Variants in INPP5A observed in about 807,000 individuals in gnomAD.
The protein encoded by INPP5A is inositol polyphosphate-5-phosphatase A, also known as 43 kDa inositol polyphosphate 5-phophatase.
A neutral mutation model predicts 65.2 loss-of-function variants in INPP5A; 14 were observed. The ratio of observed to expected loss-of-function variants is 0.21; its 90% CI spans 0.14 to 0.34. The LOEUF is 0.34. INPP5A is among the 10% of genes least tolerant of loss of function. The pLI, the probability that INPP5A is intolerant of heterozygous loss-of-function variation, is 1.00. For missense variants in INPP5A, 431 were observed against 545.6 expected, an observed-to-expected ratio of 0.79 and a Z score of 2.09; for synonymous variants, 207 against 208.3, an observed-to-expected ratio of 0.99 and a Z score of 0.05.
Position 132,720,250 on chromosome 10 carries a change from C to T in INPP5A, c.648-6571C>T, listed in dbSNP as rs571320765. 3.7e-4 allele frequency among the ~76,000 whole-genome samples: 41 copies of T among 110,218 alleles called. No homozygotes were observed. In the East Asian group the frequency reaches 8.9e-3, roughly 24 times the overall value. The allele number at this position is 110,218 out of a possible 152,430, so 72.3% of individuals were successfully genotyped here. A position where few individuals can be genotyped will look rare whatever the true frequency, so the allele number is the denominator to read the frequency against. On this transcript the variant is annotated intron_variant, in intron 8 of 15. Transcript: ENST00000368594. ...CTGGGCACCTTAGACGGCTGTCTTG[C>T]GGGTTCTGTGGTGCCTGGGTTCTGT...
At chr10:132,662,456 C>T (rs1371977866) in intron 4 of INPP5A, among the ~76,000 whole-genome samples, 2 of 152,088 alleles carry the variant, frequency 1.3e-5, no homozygotes, top group African/African-American at 4.8e-5. Context: ...TGTCAGCTGT[C>T]GCAGTAATTA....
chr10:132,745,823 TATGGTGGGCCTGGGC>T (rs1338101868), intron 9 of INPP5A, among the ~76,000 whole-genome samples: 3 of 138,842 alleles, frequency 2.2e-5, no homozygotes, highest in African/African-American at 8.3e-5. Context: ...TGGCCCTGGG[TATGGTGGGCCTGGGC>T]ATGGTGGGCC....
intron 11 of INPP5A, among the ~76,000 whole-genome samples, chr10:132,758,120 C>T (rs1429901826): frequency 3.2e-5 from 4 of 123,606 alleles, no homozygotes; most frequent in Non-Finnish European, 5.2e-5. Flanking sequence ...GGTCCCCGGC[C>T]GACCCCACAG....
intron 8 of INPP5A, among the ~76,000 whole-genome samples, chr10:132,722,288 TAAAAA>T (rs1564983731): frequency 6.6e-6 from 1 of 151,382 alleles, no homozygotes; most frequent in Non-Finnish European, 1.5e-5. Flanking sequence ...GGTTAAAAAA[TAAAAA>T]AGGAAAGAAG....
chr10:132,564,189 G>A lies in INPP5A; in HGVS notation c.75+26018G>A, dbSNP rs191753332. Among the ~76,000 whole-genome samples the A allele has an allele frequency of 1.8e-4, 28 of 152,140 alleles. No homozygotes were observed. The East Asian group carries it at 3.5e-3, about 19-fold the overall frequency. On this transcript the variant is annotated intron_variant, in intron 1 of 15. Coordinates refer to ENST00000368594, the MANE Select transcript of INPP5A (RefSeq NM_005539.5). ...CTCGGCTTGTTTGGGGAAATGTGGC[G>A]TGCGCGTTGTGGGTATGGCCACCGC...
intron 6 of INPP5A, among the ~76,000 whole-genome samples, chr10:132,703,834 ACC>A (rs1176266228): frequency 1.5e-4 from 2 of 13,198 alleles, no homozygotes; most frequent in Non-Finnish European, 2.5e-4. Flanking sequence ...ACGTGGCTTC[ACC>A]CCCCCCCACA....
At chr10:132,682,869 C>T (rs1240204320) in intron 4 of INPP5A, among the ~76,000 whole-genome samples, 1 of 150,954 alleles carries the variant, frequency 6.6e-6, no homozygotes, top group Non-Finnish European at 1.5e-5. Flanking sequence ...GTATTATATA[C>T]ATATGCACGC....
intron 7 of INPP5A, among the ~76,000 whole-genome samples, chr10:132,709,320 G>C (rs1471538608): frequency 1.8e-5 from 2 of 111,964 alleles, no homozygotes; most frequent in Non-Finnish European, 3.8e-5. Flanking sequence ...GAGGGGGAGG[G>C]GGAAAAGAAG....
At position 132,603,369 on chromosome 10, in the gene INPP5A, C is replaced by A. The variant is rs1412005083; in HGVS notation, c.76-4546C>A. On this transcript the variant is annotated intron_variant, in intron 1 of 15. Transcript: ENST00000368594. This position sits in a 1 kb window ranked among gnomAD's most constrained non-coding sequence, Gnocchi z 4.2. ...ATATGCACTATAGAAAATTACAGATCACTCCAGCTCCCACTACCCAGAAAG... is the reference window on the plus strand; with the variant it reads ...ATATGCACTATAGAAAATTACAGATAACTCCAGCTCCCACTACCCAGAAAG... 6.6e-6 allele frequency among the ~76,000 whole-genome samples: 1 copy of A among 152,154 alleles called. No individual in the cohort carries two copies. The highest frequency in any genetic ancestry group is 2.1e-4 in the South Asian group (1 of 4,828).
chr10:132,662,181 G>A (rs530236849), intron 4 of INPP5A, among the ~76,000 whole-genome samples: 1 of 152,338 alleles, frequency 6.6e-6, no homozygotes, highest in Non-Finnish European at 1.5e-5. Flanking sequence ...GGAGGCGGTG[G>A]TAGCACTGCA....
Position 132,767,460 on chromosome 10 carries a change from C to A in INPP5A, c.977+1614C>A, listed in dbSNP as rs890887669. On this transcript the variant is annotated intron_variant, in intron 12 of 15. Transcript: ENST00000368594. Reference sequence around the variant, plus strand: ...GAAGTTTTTGGACAGGTTGGAGGAGCCTCCAGAAGGCAGTGGTGGCCCAGG... The same window carrying A: ...GAAGTTTTTGGACAGGTTGGAGGAGACTCCAGAAGGCAGTGGTGGCCCAGG... 2.0e-5 allele frequency among the ~76,000 whole-genome samples: 3 copies of A among 152,204 alleles called. No homozygotes were observed. The South Asian group carries it at 6.2e-4, about 31-fold the overall frequency.
Position 132,647,626 on chromosome 10 carries a change from G to A in INPP5A, c.218+1658G>A, listed in dbSNP as rs933523943. ...GCATGACGCAGGCCCGGAGAGGAGA[G>A]CGGATCGAGGCAGGTGCGCAGCCCA... On this transcript the variant is annotated intron_variant, in intron 3 of 15. Coordinates refer to ENST00000368594, the MANE Select transcript of INPP5A (RefSeq NM_005539.5). Among the ~76,000 whole-genome samples, 7 of 152,300 alleles carry A rather than the reference G, an allele frequency of 4.6e-5. No homozygotes were observed. The East Asian group carries it at 1.4e-3, about 29-fold the overall frequency.
chr10:132,712,917 TGTGG>T (rs1430214495), intron 8 of INPP5A, among the ~76,000 whole-genome samples: 1 of 150,482 alleles, frequency 6.6e-6, no homozygotes, highest in East Asian at 2.0e-4. Flanking sequence ...TGTGCATGTG[TGTGG>T]GTGTGTGCAT....
intron 1 of INPP5A, among the ~76,000 whole-genome samples, chr10:132,563,261 T>G (rs2071227755): frequency 6.6e-6 from 1 of 152,154 alleles, no homozygotes; most frequent in South Asian, 2.1e-4. Context: ...GGGCTGGCGG[T>G]GGCATTGGCA....
intron 2 of INPP5A, among the ~76,000 whole-genome samples, chr10:132,626,005 T>A (rs2072179474): frequency 6.6e-6 from 1 of 152,186 alleles, no homozygotes; most frequent in South Asian, 2.1e-4. Context: ...CGCCCCAACA[T>A]AATGGGGAAT....
chr10:132,690,971 C>T (rs766807666), intron 5 of INPP5A, among the ~76,000 whole-genome samples: 1 of 152,146 alleles, frequency 6.6e-6, no homozygotes, highest in South Asian at 2.1e-4. Flanking sequence ...GTGCTCCACA[C>T]GGCCTGGGGG....
At chr10:132,561,176 C>A (rs1485915383) in intron 1 of INPP5A, among the ~76,000 whole-genome samples, 2 of 151,774 alleles carry the variant, frequency 1.3e-5, no homozygotes, top group African/African-American at 4.8e-5. Context: ...GATCCTCCCA[C>A]CCCAGCCTCT....
At chr10:132,780,956 C>T (rs765204840) in intron 14 of INPP5A, 39 bp downstream of exon 14, 1 of 855,404 alleles carries the variant, frequency 1.2e-6, no homozygotes, top group South Asian at 2.3e-5. Flanking sequence ...GCTGGGGGAC[C>T]AAGGGGAAGC....
At chr10:132,763,689 GCAAA>G (rs1469030071) in intron 11 of INPP5A, among the ~76,000 whole-genome samples, 1 of 148,380 alleles carries the variant, frequency 6.7e-6, no homozygotes, top group Non-Finnish European at 1.5e-5. Flanking sequence ...GTGCCTGCAT[GCAAA>G]CACACACATG....
Sources: gnomAD v4.1 joint callset for allele counts (sites outside exome capture counted in the v4.1 genomes callset) on GRCh38, gnomAD v4.1.1 for gene constraint, Gnocchi (gnomAD v3.1) non-coding constraint, MANE v1.5 for transcripts, NCBI Gene and HGNC (gene_info 2026-07-23, HGNC 2026-07-21) for gene names.